CELA3B: variants seen among roughly 807,000 people sequenced by gnomAD.
CELA3B encodes chymotrypsin like elastase 3B.
CELA3B carries 34 observed loss-of-function variants against 37.2 expected under a neutral mutation model. The ratio of observed to expected loss-of-function variants is 0.91; its 90% CI spans 0.70 to 1.22. The LOEUF is 1.22. Among genes scored for constraint, CELA3B ranks in the 50% most tolerant of loss-of-function variants. The pLI is 0.00. For missense variants in CELA3B, 340 were observed against 363.1 expected (o/e 0.94, Z 0.52); for synonymous variants, 127 against 143.5 (o/e 0.89, Z 0.82).
rs150641051 is a variant in CELA3B, at chr1:21,998,482, C to T, written c.*293C>T. On this transcript the variant is annotated 3_prime_UTR_variant, in exon 5 of 5. Coordinates refer to the CELA3B transcript ENST00000400277. Reference sequence around the variant, plus strand: ...TCAGGACACCATCCAGATGCTGCTGCGCTTTTCCAGGCCACACAGAGGGGA... The same window carrying T: ...TCAGGACACCATCCAGATGCTGCTGTGCTTTTCCAGGCCACACAGAGGGGA... 484 of 224,394 alleles carry T rather than the reference C, an allele frequency of 2.2e-3. 23 individuals are homozygous for T. Among genetic ancestry groups the T allele is most frequent in the African/African-American group, 8.5e-3 (377 of 44,280 alleles). The allele number at this position is 224,394 out of a possible 1,614,324, so 13.9% of individuals were successfully genotyped here. A position where few individuals can be genotyped will look rare whatever the true frequency, so the allele number is the denominator to read the frequency against.
chr1:21,988,492 G>C (rs1425833242), intron 7 of CELA3B, among the ~76,000 whole-genome samples: 1 of 151,154 alleles, frequency 6.6e-6, no homozygotes, highest in East Asian at 1.9e-4. Context: ...TTGGGAGGCT[G>C]AGGTAGAAGA....
intron 3 of CELA3B, 32 bp from the exon 4 acceptor site, chr1:21,981,006 C>G: frequency 6.2e-7 from 1 of 1,614,078 alleles, no homozygotes; most frequent in Non-Finnish European, 8.5e-7. Flanking sequence ...GGTAGCCAGT[C>G]AGGCCCAGAC....
At chr1:21,985,346 C>T (rs1281207054) in intron 6 of CELA3B, among the ~76,000 whole-genome samples, 2 of 151,254 alleles carry the variant, frequency 1.3e-5, no homozygotes, top group African/African-American at 2.4e-5. Context: ...AACGCCATCA[C>T]AGCCCACTGT....
chr1:21,978,447 C>T lies in CELA3B; in HGVS notation c.122C>T (p.Pro41Leu), dbSNP rs1260411532. 1 of 1,613,986 alleles carries T rather than the reference C, an allele frequency of 6.2e-7. No homozygotes were observed. The highest frequency in any genetic ancestry group is 1.3e-5 in the African/African-American group (1 of 74,946). Reference protein sequence around the residue: ...NGEDAVPYSWPWQVSLQYEKS... With the variant: ...NGEDAVPYSWLWQVSLQYEKS... ...GAGGATGCGGTCCCCTACAGCTGGC[C>T]CTGGCAGGTAAGAGCAATAGCAGCT... The change falls in exon 2 of 8, where the codon CCC (proline) becomes CTC (leucine). Residue 41 changes from proline (P) to leucine (L), a missense_variant. Coordinates refer to ENST00000337107, the MANE Select transcript of CELA3B (RefSeq NM_007352.4).
In CELA3B at chr1:21,984,415, G is replaced by A. The variant is rs1644826232; in HGVS notation, c.642+84G>A. 1.6e-5 allele frequency: 24 copies of A among 1,538,978 alleles called. No homozygotes were observed. In the South Asian group the frequency reaches 2.1e-4, roughly 14 times the overall value. On this transcript the variant is annotated intron_variant, in intron 6 of 7. Transcript: ENST00000337107. ...CCAACTGCCTGGAAGGTGGAGGAAG[G>A]ATCTTGCCTGCTTGCCCCATTCAGC... is the stretch of plus-strand genomic sequence containing the variant.
chr1:21,998,005 A>G, intron 4 of CELA3B: 1 of 391,726 alleles, frequency 2.6e-6, no homozygotes, highest in Non-Finnish European at 5.3e-6. Flanking sequence ...TTATAAAACA[A>G]TGTAGTTAAG....
intron 7 of CELA3B, among the ~76,000 whole-genome samples, chr1:21,988,357 C>T (rs149399639): frequency 0.022 from 3,223 of 149,374 alleles, no homozygotes; most frequent in Non-Finnish European, 0.031. Context: ...TTTGGTAGGC[C>T]GAGGCAGGCA....
rs1186389577 is a variant in CELA3B, at chr1:21,979,448, CTTTTCTTTTTTTTT to C, written c.129+999_129+1012del. Among the ~76,000 whole-genome samples the C allele has an allele frequency of 2.5e-4, 27 of 108,614 alleles. No homozygotes were observed. The East Asian group carries it at 7.4e-3, about 30-fold the overall frequency. 71.3% of individuals were successfully genotyped at this position (108,614 alleles called of 152,430 possible). A position where few individuals can be genotyped will look rare whatever the true frequency, so the allele number is the denominator to read the frequency against. Reference sequence around the variant, plus strand: ...CATATTTCTTTTTTTCTTTTCTTTTCTTTTCTTTTTTTTTTTTTTTTTGAGACAGGGTCTTGCTG... The same window carrying C: ...CATATTTCTTTTTTTCTTTTCTTTTCTTTTTTTTGAGACAGGGTCTTGCTG... On this transcript the variant is annotated intron_variant, in intron 2 of 7. Coordinates refer to ENST00000337107, the MANE Select transcript of CELA3B (RefSeq NM_007352.4).
chr1:21,993,560 T>G (rs937589164), downstream of CELA3B, among the ~76,000 whole-genome samples: 12 of 151,342 alleles, frequency 7.9e-5, no homozygotes, highest in African/African-American at 2.2e-4. Flanking sequence ...AAAAAAATTT[T>G]TTTCTACGCA....
downstream of CELA3B, among the ~76,000 whole-genome samples, chr1:21,992,413 GACA>G (rs1291640908): frequency 6.6e-6 from 1 of 151,798 alleles, no homozygotes; most frequent in Non-Finnish European, 1.5e-5. Context: ...CTTTAAGCAT[GACA>G]ACAAGACCCT....
intron 4 of CELA3B, among the ~76,000 whole-genome samples, chr1:21,996,326 A>C (rs1644889974): frequency 1.3e-5 from 2 of 151,144 alleles, no homozygotes; most frequent in African/African-American, 4.9e-5. Context: ...CTTGCTGATA[A>C]AACAGTTTGC....
In CELA3B at chr1:21,983,817, G is replaced by C. The variant is rs543692001; in HGVS notation, c.486G>C (p.Trp162Cys). 279 of 1,613,988 alleles carry C rather than the reference G, an allele frequency of 1.7e-4. 1 individual carries two copies. In the East Asian group the frequency reaches 5.5e-3, roughly 32 times the overall value. ...PNETPCYITGWGRLYTNGPLP... is the reference protein window; with the variant it reads ...PNETPCYITGCGRLYTNGPLP... ...AGACACCCTGCTACATCACCGGCTG[G>C]GGCCGTCTCTATAGTACGTGCTGAC... Residue 162 changes from tryptophan (W) to cysteine (C), a missense_variant, in exon 5 of 8, where the codon TGG (tryptophan) becomes TGC (cysteine). Trp to Cys is a radical substitution (Grantham distance 215, BLOSUM62 -2). Coordinates refer to ENST00000337107, the MANE Select transcript of CELA3B (RefSeq NM_007352.4).
chr1:21,983,639 G>T, intron 4 of CELA3B, 55 bp from the exon 5 acceptor site: 1 of 1,598,056 alleles, frequency 6.3e-7, no homozygotes, highest in Non-Finnish European at 8.5e-7. Context: ...CGGCTGGAAG[G>T]TAGGACTTGG....
chr1:21,980,891 A>C lies in CELA3B; in HGVS notation c.197A>C (p.Asp66Ala). ...HTCGGSLIAP[D>A]WVVTAGHCIS... ...TGTGGCGGTAGCCTCATCGCCCCCGACTGGGTTGTGACTGCCGGCCACTGC... is the reference window on the plus strand; with the variant it reads ...TGTGGCGGTAGCCTCATCGCCCCCGCCTGGGTTGTGACTGCCGGCCACTGC... The change falls in exon 3 of 8, where the codon GAC (aspartate) becomes GCC (alanine). Residue 66 changes from aspartate (D) to alanine (A), a missense_variant. Coordinates refer to ENST00000337107, the MANE Select transcript of CELA3B (RefSeq NM_007352.4). 1 of 1,612,540 alleles carries C rather than the reference A, an allele frequency of 6.2e-7. No individual in the cohort carries two copies. The highest frequency in any genetic ancestry group is 1.1e-5 in the South Asian group (1 of 90,938).
At chr1:21,987,815 A>G (rs1012511857) in intron 7 of CELA3B, 12 of 151,238 alleles carry the variant, frequency 7.9e-5, no homozygotes, top group African/African-American at 2.7e-4. Flanking sequence ...ATAAAACAGT[A>G]GTGCTTGCTT....
chr1:21,993,635 C>G (rs1644877994), downstream of CELA3B, among the ~76,000 whole-genome samples: 1 of 149,530 alleles, frequency 6.7e-6, no homozygotes, highest in African/African-American at 2.5e-5. Flanking sequence ...CCTTGACCTC[C>G]CGGGCTCAAG....
At chr1:21,978,303 G>A (rs554807561) in intron 1 of CELA3B, 66 bp from the exon 2 acceptor site, 1 of 1,585,040 alleles carries the variant, frequency 6.3e-7, no homozygotes, top group South Asian at 1.1e-5. Context: ...CTTGGACTGG[G>A]ACCCTGGCCT....
At chr1:21,988,866 G>A (rs1644855743) in intron 7 of CELA3B, among the ~76,000 whole-genome samples, 1 of 151,716 alleles carries the variant, frequency 6.6e-6, no homozygotes, top group Non-Finnish European at 1.5e-5. Context: ...CTCCAGCCTG[G>A]GCAACAGAGT....
intron 5 of CELA3B, 64 bp from the exon 6 acceptor site, chr1:21,984,125 C>T (rs1168507183): frequency 1.3e-6 from 2 of 1,558,864 alleles, no homozygotes; most frequent in Non-Finnish European, 1.7e-6. Flanking sequence ...TGGATGCCCC[C>T]TTCCTCTGGG....
Sources: gnomAD v4.1 joint callset for allele counts (sites outside exome capture counted in the v4.1 genomes callset) on GRCh38, gnomAD v4.1.1 for gene constraint, MANE v1.5 for transcripts, NCBI Gene and HGNC (gene_info 2026-07-23, HGNC 2026-07-21) for gene names.